RTTN: variants seen among roughly 807,000 people sequenced by gnomAD.
The protein encoded by RTTN is rotatin.
In RTTN, 182 loss-of-function variants were observed where a neutral mutation model predicts 269.2. The ratio of observed to expected loss-of-function variants is 0.68; its 90% confidence interval spans 0.60 to 0.76. The LOEUF (loss-of-function observed/expected upper bound fraction) is 0.76. RTTN is among the 30% of genes least tolerant of loss of function. The pLI is 0.00. For synonymous variants in RTTN, 1,006 were observed against 963.5 expected, an observed-to-expected ratio of 1.04 and a Z score of -0.82; for missense variants, 2,545 against 2,608.6, an observed-to-expected ratio of 0.98 and a Z score of 0.53.
intron 48 of RTTN, 79 bp downstream of exon 48, chr18:70,005,119 G>T: frequency 9.7e-7 from 1 of 1,029,372 alleles, no homozygotes; most frequent in Non-Finnish European, 1.5e-6. Context: ...GCTGTGGCCT[G>T]TCCAAATATC....
Position 70,142,403 on chromosome 18 carries a change from A to AC in RTTN, c.2482-17_2482-16insG. The AC allele has an allele frequency of 1.5e-6, 2 of 1,356,284 alleles. No individual in the cohort carries two copies. Among genetic ancestry groups the AC allele is most frequent in the East Asian group, 2.3e-5 (1 of 43,642 alleles). 84.0% of individuals were successfully genotyped at this position (1,356,284 alleles called of 1,614,324 possible). On this transcript the variant is annotated splice_polypyrimidine_tract_variant and intron_variant, in intron 18 of 48. Transcript: ENST00000640769. ...CAGTCTCCAACTACAAACCAAAAAA[A>AC]AAAAAAAACCAAAATTACATTTATC...
chr18:70,168,293 G>A (rs1356094235), intron 12 of RTTN, among the ~76,000 whole-genome samples: 3 of 151,958 alleles, frequency 2.0e-5, no homozygotes, highest in Non-Finnish European at 4.4e-5. Context: ...CCCTTTCATT[G>A]ATAACATACT....
intron 28 of RTTN, among the ~76,000 whole-genome samples, chr18:70,102,540 A>G (rs1250298921): frequency 6.6e-6 from 1 of 152,150 alleles, no homozygotes; most frequent in African/African-American, 2.4e-5. Context: ...CCCAGTCTGT[A>G]TCTTTTAATT....
intron 46 of RTTN, among the ~76,000 whole-genome samples, chr18:70,010,231 G>C (rs2056327275): frequency 6.6e-6 from 1 of 152,170 alleles, no homozygotes; most frequent in South Asian, 2.1e-4. Flanking sequence ...TCTGAGCCAA[G>C]TGGACCTAAC....
chr18:70,054,527 C>T (rs2057762437), intron 37 of RTTN, among the ~76,000 whole-genome samples: 1 of 152,108 alleles, frequency 6.6e-6, no homozygotes, highest in African/African-American at 2.4e-5. Context: ...GTTTTGAATT[C>T]CATTTAAAGA....
intron 26 of RTTN, among the ~76,000 whole-genome samples, chr18:70,115,308 T>G (rs887106966): frequency 6.6e-6 from 1 of 152,000 alleles, no homozygotes; most frequent in Non-Finnish European, 1.5e-5. Context: ...GGATTATTAC[T>G]GCAATAATCT....
At chr18:70,081,901 T>G (rs992330256) in intron 32 of RTTN, among the ~76,000 whole-genome samples, 2 of 152,094 alleles carry the variant, frequency 1.3e-5, no homozygotes, top group African/African-American at 4.8e-5. Flanking sequence ...AAATCCACAC[T>G]TAAGTGTTCA....
At position 70,073,971 on chromosome 18, in the gene RTTN, A is replaced by T. The variant is rs615151; in HGVS notation, c.4588T>A (p.Trp1530Arg). The change falls in exon 34 of 49, where the codon TGG (tryptophan) becomes AGG (arginine). Residue 1530 changes from tryptophan (W) to arginine (R), a missense_variant. Trp to Arg is a moderately radical substitution (Grantham distance 101). Transcript: ENST00000640769. ...LNGLDDSFKFWRAPSRTSQDR... is the reference protein window; with the variant it reads ...LNGLDDSFKFRRAPSRTSQDR... ...TGACTTGTCCTAGATGGAGCCCTCC[A>T]AAACTTGAATGAGTCATCTAAACCT... 8 of 1,611,604 alleles carry T rather than the reference A, an allele frequency of 5.0e-6. No homozygotes were observed. Among genetic ancestry groups the T allele is most frequent in the Non-Finnish European group, 6.8e-6 (8 of 1,178,306 alleles).
chr18:70,090,291 CTAT>C (rs1367030970), intron 30 of RTTN, among the ~76,000 whole-genome samples: 7 of 152,150 alleles, frequency 4.6e-5, no homozygotes, highest in Admixed American at 6.5e-5. Context: ...CCTATAACTA[CTAT>C]GTTTTCTCCT....
chr18:70,107,296 C>G (rs1438066779), intron 28 of RTTN, among the ~76,000 whole-genome samples: 2 of 152,206 alleles, frequency 1.3e-5, no homozygotes, highest in African/African-American at 4.8e-5. Flanking sequence ...AAGTGAGAAT[C>G]AATCTTGCAT....
intron 11 of RTTN, among the ~76,000 whole-genome samples, chr18:70,171,784 T>C (rs752117154): frequency 3.3e-5 from 5 of 152,220 alleles, no homozygotes; most frequent in Non-Finnish European, 5.9e-5. Flanking sequence ...GGCATAATTC[T>C]ATGAGTCTGT....
intron 26 of RTTN, among the ~76,000 whole-genome samples, chr18:70,115,402 A>C (rs1483521610): frequency 6.6e-6 from 1 of 151,920 alleles, no homozygotes; most frequent in Non-Finnish European, 1.5e-5. Context: ...AAATAGATAA[A>C]GGAATATAAG....
At position 70,205,671 on chromosome 18, in the gene RTTN, A is replaced by C. The variant is rs763462906; in HGVS notation, c.-13T>G. ...CTGCCAGGACCATCTCGTCCCGTCA[A>C]TCTGCAGCCGCCGGAGAATTAAACT... On this transcript the variant is annotated 5_prime_UTR_variant, in exon 1 of 49. Transcript: ENST00000640769. The C allele has an allele frequency of 6.2e-7, 1 of 1,614,090 alleles. No homozygotes were observed. Among genetic ancestry groups the C allele is most frequent in the Non-Finnish European group, 8.5e-7 (1 of 1,180,010 alleles).
At chr18:70,176,885 C>G (rs2145986037) in intron 10 of RTTN, 40 bp from the exon 11 acceptor site, 1 of 1,528,808 alleles carries the variant, frequency 6.5e-7, no homozygotes, top group Non-Finnish European at 8.9e-7. Context: ...AGAAAACAAC[C>G]AATTTTAGGG....
chr18:70,058,845 T>C (rs1568312090), intron 36 of RTTN, among the ~76,000 whole-genome samples: 1 of 152,186 alleles, frequency 6.6e-6, no homozygotes, highest in Non-Finnish European at 1.5e-5. Flanking sequence ...CATACTCCAT[T>C]GCGTATCATA....
chr18:70,049,179 T>C (rs1446565785), intron 39 of RTTN, among the ~76,000 whole-genome samples: 1 of 152,206 alleles, frequency 6.6e-6, no homozygotes, highest in East Asian at 1.9e-4. Flanking sequence ...ACCTCAACTT[T>C]TGTAGCATGA....
At chr18:70,039,243 GAAGACATTT>G (rs2057268181) in intron 40 of RTTN, among the ~76,000 whole-genome samples, 1 of 151,926 alleles carries the variant, frequency 6.6e-6, no homozygotes, top group South Asian at 2.1e-4. Flanking sequence ...TTAACCCAAA[GAAGACATTT>G]AAGATATTTC....
chr18:70,145,262 T>C (rs2060359053), intron 18 of RTTN, among the ~76,000 whole-genome samples: 1 of 152,218 alleles, frequency 6.6e-6, no homozygotes, highest in African/African-American at 2.4e-5. Context: ...TTCTACATTA[T>C]GGTGAGTTGT....
chr18:70,092,265 A>G, intron 29 of RTTN, 45 bp from the exon 30 acceptor site: 2 of 1,226,212 alleles, frequency 1.6e-6, no homozygotes, highest in Non-Finnish European at 2.4e-6. Flanking sequence ...GTAAGTTTCT[A>G]AAAATAAAAT....
Sources: gnomAD v4.1 joint callset for allele counts (sites outside exome capture counted in the v4.1 genomes callset) on GRCh38, gnomAD v4.1.1 for gene constraint, MANE v1.5 for transcripts, NCBI Gene and HGNC (gene_info 2026-07-23, HGNC 2026-07-21) for gene names.